Variants in SLC24A2 observed in about 807,000 individuals in gnomAD.
SLC24A2 encodes the protein solute carrier family 24 member 2.
Under a neutral mutation model 62.0 loss-of-function variants are expected in SLC24A2, and 36 were observed. That is an observed-to-expected ratio of 0.58 (90% CI 0.44 to 0.77). The LOEUF (loss-of-function observed/expected upper bound fraction) is 0.77, where lower values mean the gene tolerates loss of function less well. Ranked by LOEUF, SLC24A2 falls within the 30% of genes least tolerant of loss-of-function variation. SLC24A2 has a pLI of 0.00. For missense variants in SLC24A2, 846 were observed against 817.9 expected (o/e 1.03, Z -0.42); for synonymous variants, 358 against 294.0 (o/e 1.22, Z -2.23).
At chr9:20,084,938 T>G in the SLC24A2 span, among the ~76,000 whole-genome samples, 2 of 152,226 alleles carry the variant, frequency 1.3e-5, no homozygotes, top group Admixed American at 6.5e-5. Context: ...GGATTGCTTC[T>G]GTTATTACAT....
At chr9:19,966,571 C>A in the SLC24A2 span, among the ~76,000 whole-genome samples, 10 of 152,194 alleles carry the variant, frequency 6.6e-5, no homozygotes, top group African/African-American at 2.4e-4. Context: ...ATATTCTTGT[C>A]CTTGGAGAGT....
the SLC24A2 span, among the ~76,000 whole-genome samples, chr9:19,937,714 G>A: frequency 1.3e-5 from 2 of 152,126 alleles, no homozygotes; most frequent in African/African-American, 2.4e-5. Context: ...TTGTGTCTAT[G>A]CAAACGAAGT....
the SLC24A2 span, among the ~76,000 whole-genome samples, chr9:19,990,999 T>C: frequency 7.8e-6 from 1 of 128,300 alleles, no homozygotes; most frequent in Non-Finnish European, 1.6e-5. Context: ...TATATATGTG[T>C]GTATACATAT....
At chr9:19,981,469 T>A in the SLC24A2 span, among the ~76,000 whole-genome samples, 2 of 152,236 alleles carry the variant, frequency 1.3e-5, no homozygotes, top group East Asian at 1.9e-4. Flanking sequence ...TGTGTTGGTA[T>A]GTGGAATATT....
the SLC24A2 span, among the ~76,000 whole-genome samples, chr9:20,021,247 C>T: frequency 6.6e-6 from 1 of 151,826 alleles, no homozygotes; most frequent in South Asian, 2.1e-4. Flanking sequence ...TGCATGTTAG[C>T]GTGTAGTATG....
the SLC24A2 span, among the ~76,000 whole-genome samples, chr9:19,924,247 T>C: frequency 6.6e-6 from 1 of 152,192 alleles, no homozygotes; most frequent in African/African-American, 2.4e-5. Context: ...AGCCAGGATG[T>C]CCTTCTCAGT....
chr9:20,101,344 G>A, the SLC24A2 span, among the ~76,000 whole-genome samples: 3 of 152,224 alleles, frequency 2.0e-5, no homozygotes, highest in African/African-American at 4.8e-5. Flanking sequence ...CCTTTGTTCA[G>A]TACCTTGCTG....
At chr9:19,895,961 G>C in the SLC24A2 span, 10 of 1,610,332 alleles carry the variant, frequency 6.2e-6, no homozygotes, top group Admixed American at 1.3e-4. Flanking sequence ...AGGGAGTCTT[G>C]GAGCATGTAA....
chr9:19,711,710 T>C (rs1318457188), intron 2 of SLC24A2, among the ~76,000 whole-genome samples: 1 of 152,276 alleles, frequency 6.6e-6, no homozygotes, highest in African/African-American at 2.4e-5. Context: ...CTGAATATAC[T>C]TTCTTCTTTA....
the SLC24A2 span, among the ~76,000 whole-genome samples, chr9:20,096,072 C>T: frequency 7.3e-6 from 1 of 136,212 alleles, no homozygotes. Flanking sequence ...TATCTGTATC[C>T]ATCCATCCAT....
At chr9:19,550,694 ATTTC>A (rs1834801239) in intron 7 of SLC24A2, among the ~76,000 whole-genome samples, 1 of 117,996 alleles carries the variant, frequency 8.5e-6, no homozygotes, top group Non-Finnish European at 1.7e-5. Flanking sequence ...GATAAAAAAT[ATTTC>A]TTTTTCTCTT....
intron 2 of SLC24A2, among the ~76,000 whole-genome samples, chr9:19,705,865 T>C (rs1018460747): frequency 6.6e-6 from 1 of 152,158 alleles, no homozygotes; most frequent in Non-Finnish European, 1.5e-5. Context: ...ATGTGGTCAA[T>C]TTTGGAATAG....
In SLC24A2 at chr9:19,515,579, G is replaced by A. The variant is rs1267946428; in HGVS notation, c.*574C>T. 6.6e-6 allele frequency: 1 copy of A among 152,068 alleles called. No homozygotes were observed. The highest frequency in any genetic ancestry group is 1.5e-5 in the Non-Finnish European group (1 of 68,142). 9.4% of individuals were successfully genotyped at this position (152,068 alleles called of 1,614,324 possible). ...TGTTGGTTCCATTAGTTCACCTCTT[G>A]TACTTAAGAGGTAAAGCCCAGACTG... On this transcript the variant is annotated 3_prime_UTR_variant, in exon 11 of 11. Transcript: ENST00000341998.
At chr9:19,636,315 T>TTTCTTTC (rs1554690361) in intron 2 of SLC24A2, among the ~76,000 whole-genome samples, 631 of 40,272 alleles carry the variant, frequency 0.016, 68 homozygotes, top group East Asian at 0.03. Flanking sequence ...TTTTCTTTTC[T>TTTCTTTC]TTTCTTTCTT....
the SLC24A2 span, among the ~76,000 whole-genome samples, chr9:19,801,024 A>G: frequency 2.0e-5 from 3 of 152,224 alleles, no homozygotes; most frequent in Admixed American, 6.5e-5. Flanking sequence ...GCTAAAGTCC[A>G]TAGCAAAAGT....
At chr9:20,238,288 C>A in the SLC24A2 span, among the ~76,000 whole-genome samples, 1 of 152,152 alleles carries the variant, frequency 6.6e-6, no homozygotes, top group Non-Finnish European at 1.5e-5. Context: ...CAGAGAGGTG[C>A]AGTGTCTTAT....
chr9:19,922,976 CTGTTATATATTAAA>C, the SLC24A2 span, among the ~76,000 whole-genome samples: 4 of 148,678 alleles, frequency 2.7e-5, no homozygotes, highest in African/African-American at 9.8e-5. Context: ...GAATATATTC[CTGTTATATATTAAA>C]TATTATATAT....
the SLC24A2 span, among the ~76,000 whole-genome samples, chr9:19,820,028 C>CATATATATACATAT: frequency 1.8e-5 from 1 of 54,586 alleles, no homozygotes; most frequent in African/African-American, 6.5e-5. Flanking sequence ...TATATATACA[C>CATATATATACATAT]ATATATATAT....
At chr9:20,137,508 C>G in the SLC24A2 span, among the ~76,000 whole-genome samples, 3 of 152,214 alleles carry the variant, frequency 2.0e-5, no homozygotes, top group African/African-American at 7.2e-5. Flanking sequence ...TTAAGATAGT[C>G]TTGGAAATAC....
Sources: gnomAD v4.1 joint callset for allele counts (sites outside exome capture counted in the v4.1 genomes callset) on GRCh38, gnomAD v4.1.1 for gene constraint, MANE v1.5 for transcripts, NCBI Gene and HGNC (gene_info 2026-07-23, HGNC 2026-07-21) for gene names.